Variants in ILDR2 observed in about 807,000 individuals in gnomAD.
ILDR2 encodes immunoglobulin like domain containing receptor 2, also known as immunoglobulin-like domain-containing receptor 2.
In ILDR2, 25 loss-of-function variants were observed where a neutral mutation model predicts 66.8. The observed-to-expected ratio is 0.37, with a 90% CI of 0.27 to 0.52. ILDR2 has a LOEUF of 0.52. ILDR2 is among the 20% of genes least tolerant of loss of function. The pLI is 0.88. For synonymous variants in ILDR2, 367 were observed against 357.2 expected, an observed-to-expected ratio of 1.03 and a Z score of -0.31; for missense variants, 827 against 876.8, an observed-to-expected ratio of 0.94 and a Z score of 0.72.
At chr1:166,953,356 C>G (rs1662099288) in intron 3 of ILDR2, among the ~76,000 whole-genome samples, 1 of 152,222 alleles carries the variant, frequency 6.6e-6, no homozygotes, top group Non-Finnish European at 1.5e-5. Context: ...ACTTCACAAT[C>G]TTGCTCCATC....
chr1:166,967,485 G>A (rs990817169), intron 1 of ILDR2, among the ~76,000 whole-genome samples: 2 of 152,190 alleles, frequency 1.3e-5, no homozygotes, highest in African/African-American at 2.4e-5. Flanking sequence ...GGCTGGATGC[G>A]GTGGCTCACA....
chr1:166,935,439 G>C lies in ILDR2; in HGVS notation c.742C>G (p.Pro248Ala). 2 of 1,611,176 alleles carry C rather than the reference G, an allele frequency of 1.2e-6. No individual in the cohort carries two copies. The highest frequency in any genetic ancestry group is 2.2e-5 in the South Asian group (2 of 90,628). Residue 248 changes from proline to alanine, a missense_variant, in exon 6 of 10, where the codon CCC becomes GCC. By Grantham distance (27) the Pro-to-Ala change is conservative (BLOSUM62 -1). This residue lies in a region of ILDR2 where 437 missense variants were observed against 523.2 expected (regional missense o/e 0.84). Transcript: ENST00000271417. ...AGKAAKAGYP[P>A]SVSGVPGPYS... Reference sequence around the variant, plus strand: ...GGGCCGGGGACACCGGAGACAGAGGGAGGGTACCCGGCCTTTGCTGCTTTC... The same window carrying C: ...GGGCCGGGGACACCGGAGACAGAGGCAGGGTACCCGGCCTTTGCTGCTTTC...
At chr1:166,943,946 C>T (rs1661467028) in intron 3 of ILDR2, 1 of 656,012 alleles carries the variant, frequency 1.5e-6, no homozygotes, top group Non-Finnish European at 1.9e-6. Context: ...TTTATGTAAG[C>T]GCTCAAACAG....
chr1:166,908,155 A>C (rs528778023), downstream of ILDR2: 12 of 152,372 alleles, frequency 7.9e-5, no homozygotes, highest in African/African-American at 2.6e-4. Flanking sequence ...TAGTCACTTC[A>C]GGCTGCTGTA....
chr1:166,971,614 C>T (rs753933725), intron 1 of ILDR2, among the ~76,000 whole-genome samples: 51 of 152,150 alleles, frequency 3.4e-4, no homozygotes, highest in Admixed American at 3.1e-3. Flanking sequence ...TGCAAGCCAT[C>T]GTGCCCGGCT....
In ILDR2 at chr1:166,913,360, C is replaced by G. The variant is rs1019435474; in HGVS notation, c.*5995G>C. 2 of 152,164 alleles carry G rather than the reference C, an allele frequency of 1.3e-5. No individual in the cohort carries two copies. The highest frequency in any genetic ancestry group is 2.1e-4 in the South Asian group (1 of 4,820). 9.4% of individuals were successfully genotyped at this position (152,164 alleles called of 1,614,324 possible). On this transcript the variant is annotated 3_prime_UTR_variant, in exon 10 of 10. Coordinates refer to ENST00000271417, the MANE Select transcript of ILDR2 (RefSeq NM_199351.3). ...CAACTGACAGGTGGCCCTCACGAAGCCAACTTCTCACCCTTCTCTGTCCCA... is the reference window on the plus strand; with the variant it reads ...CAACTGACAGGTGGCCCTCACGAAGGCAACTTCTCACCCTTCTCTGTCCCA...
Position 166,916,173 on chromosome 1 carries a change from C to T in ILDR2, c.*3182G>A, listed in dbSNP as rs1189204660. On this transcript the variant is annotated 3_prime_UTR_variant, in exon 10 of 10. Coordinates refer to ENST00000271417, the MANE Select transcript of ILDR2 (RefSeq NM_199351.3). The stretch of plus-strand genomic sequence containing the variant: ...GCAAGCACAGCAGCTTATGCATCAT[C>T]CCCCTGGGACCCCTGCTGCTCACCC... The T allele has an allele frequency of 6.6e-6, 1 of 152,252 alleles. No homozygotes were observed. 9.4% of individuals were successfully genotyped at this position (152,252 alleles called of 1,614,324 possible).
chr1:166,957,842 T>C lies in ILDR2; in HGVS notation c.306A>G (p.Val102=), dbSNP rs754899952. 6.2e-7 allele frequency: 1 copy of C among 1,614,224 alleles called. No homozygotes were observed. The highest frequency in any genetic ancestry group is 8.5e-7 in the Non-Finnish European group (1 of 1,180,028). Residue 102 remains valine, a synonymous_variant, in exon 2 of 10, where the codon GTA becomes GTG. Coordinates refer to ENST00000271417, the MANE Select transcript of ILDR2 (RefSeq NM_199351.3). ...DCLDSRRTVR[V]VASKQGSTVT... The stretch of plus-strand genomic sequence containing the variant: ...CAGTCGAGCCCTGTTTTGAAGCTAC[T>C]ACTCGAACAGTCCTCCTGCTGTCCA...
At chr1:166,907,052 CA>C (rs1394909996), downstream of ILDR2, 1 of 152,234 alleles carries the variant, frequency 6.6e-6, no homozygotes, top group Non-Finnish European at 1.5e-5. Context: ...TCACCACTTA[CA>C]ATTCTTACAG....
At chr1:166,929,485 A>C (rs1481192629) in intron 6 of ILDR2, among the ~76,000 whole-genome samples, 2 of 152,212 alleles carry the variant, frequency 1.3e-5, no homozygotes, top group Admixed American at 1.3e-4. Flanking sequence ...CTGGATCTCC[A>C]TGTGCCTAAA....
At chr1:166,933,093 T>A (rs1399179640) in intron 6 of ILDR2, among the ~76,000 whole-genome samples, 1 of 152,236 alleles carries the variant, frequency 6.6e-6, no homozygotes, top group Non-Finnish European at 1.5e-5. Context: ...GCGGTGACAC[T>A]GATTGCCACC....
At position 166,927,094 on chromosome 1, in the gene ILDR2, C is replaced by G. The variant is rs147213269; in HGVS notation, c.967G>C (p.Asp323His). The G allele has an allele frequency of 1.2e-6, 2 of 1,612,432 alleles. No homozygotes were observed. The highest frequency in any genetic ancestry group is 1.3e-5 in the African/African-American group (1 of 74,846). The change falls in exon 7 of 10, where the codon GAT becomes CAT. Residue 323 changes from aspartate to histidine, a missense_variant. By Grantham distance (81) the Asp-to-His change is moderately conservative. Around this residue, in one of 2 missense-constraint regions of ILDR2, gnomAD observed 437 missense variants for 523.2 expected, o/e 0.84. Coordinates refer to ENST00000271417, the MANE Select transcript of ILDR2 (RefSeq NM_199351.3). ...CTGCCTCTCATCCTTCTGGCTGGAT[C>G]AAACTGAGCCAGCTCCTTCTCAACA... is the stretch of plus-strand genomic sequence containing the variant. ...YYVEKELAQF[D>H]PARRMRGRYN...
chr1:166,924,709 T>C (rs928540338), intron 7 of ILDR2, among the ~76,000 whole-genome samples: 5 of 152,192 alleles, frequency 3.3e-5, no homozygotes, highest in African/African-American at 1.2e-4. Context: ...CCAATAAACC[T>C]TTATTTATAA....
chr1:166,898,877 T>C (rs748713265), intron 2 of ILDR2, among the ~76,000 whole-genome samples: 41 of 149,620 alleles, frequency 2.7e-4, no homozygotes, highest in Non-Finnish European at 1.9e-4. Flanking sequence ...CTGAGCAACA[T>C]AGGAAGATCC....
chr1:166,908,649 A>T lies in ILDR2; in HGVS notation c.*10706T>A, dbSNP rs542258114. 2 of 152,304 alleles carry T rather than the reference A, an allele frequency of 1.3e-5. No individual in the cohort carries two copies. The highest frequency in any genetic ancestry group is 2.9e-5 in the Non-Finnish European group (2 of 68,082). The allele number at this position is 152,304 out of a possible 1,614,324, so 9.4% of individuals were successfully genotyped here. On this transcript the variant is annotated 3_prime_UTR_variant, in exon 10 of 10. Transcript: ENST00000271417. ...GGTGAATAATTAGGAGACAACAGGA[A>T]GTAGGAGACAAGAAATGAGGGTACC...
Position 166,957,954 on chromosome 1 carries a change from C to T in ILDR2, c.194G>A (p.Arg65His), listed in dbSNP as rs767402571. The change falls in exon 2 of 10, where the codon CGC (arginine) becomes CAC (histidine). Residue 65 changes from arginine to histidine, a missense_variant. Arg to His is a conservative substitution (Grantham distance 29). Coordinates refer to ENST00000271417, the MANE Select transcript of ILDR2 (RefSeq NM_199351.3). The part of the protein sequence containing the change: ...QWKFKSYCQD[R>H]MGESLGMSST... The stretch of plus-strand genomic sequence containing the variant: ...GGACATGCCCAAGGATTCTCCCATG[C>T]GATCCTGGCAGTAGGACTTGAACTT... The T allele has an allele frequency of 1.7e-5, 28 of 1,613,994 alleles. No individual in the cohort carries two copies. The highest frequency in any genetic ancestry group is 1.5e-4 in the South Asian group (14 of 91,080).
In ILDR2 at chr1:166,939,522, A is replaced by G; in HGVS notation, c.548T>C (p.Ile183Thr). 1 of 1,613,720 alleles carries G rather than the reference A, an allele frequency of 6.2e-7. No individual in the cohort carries two copies. The highest frequency in any genetic ancestry group is 8.5e-7 in the Non-Finnish European group (1 of 1,179,582). ...ADLLPSFAVE[I>T]MPEWVFVGLV... Reference sequence around the variant, plus strand: ...GTTAAATGACCGAATACCTGGCATAATCTCCACAGCAAAACTGGGCAAGAG... The same window carrying G: ...GTTAAATGACCGAATACCTGGCATAGTCTCCACAGCAAAACTGGGCAAGAG... Residue 183 changes from isoleucine (I) to threonine (T), a missense_variant, in exon 4 of 10, where the codon ATT becomes ACT. Physicochemically the swap from Ile to Thr is moderately conservative, Grantham distance 89 (BLOSUM62 -1). Coordinates refer to ENST00000271417, the MANE Select transcript of ILDR2 (RefSeq NM_199351.3).
rs1189573023 is a variant in ILDR2, at chr1:166,910,280, A to G, written c.*9075T>C. The G allele has an allele frequency of 6.6e-6, 1 of 152,164 alleles. No individual in the cohort carries two copies. The highest frequency in any genetic ancestry group is 1.5e-5 in the Non-Finnish European group (1 of 68,014). The allele number at this position is 152,164 out of a possible 1,614,324, so 9.4% of individuals were successfully genotyped here. A position where few individuals can be genotyped will look rare whatever the true frequency, so the allele number is the denominator to read the frequency against. ...CCACTTGATCCCAAGCAAAAACCTC[A>G]TGGTTTTCCCCACATTATATCCACA... On this transcript the variant is annotated 3_prime_UTR_variant, in exon 10 of 10. Transcript: ENST00000271417.
At chr1:166,902,650 CAA>C (rs949227062) in intron 2 of ILDR2, among the ~76,000 whole-genome samples, 1 of 152,198 alleles carries the variant, frequency 6.6e-6, no homozygotes, top group Non-Finnish European at 1.5e-5. Flanking sequence ...ACTTGAATGG[CAA>C]AGAGTAGAGT....
Sources: gnomAD v4.1 joint callset for allele counts (sites outside exome capture counted in the v4.1 genomes callset) on GRCh38, gnomAD v4.1.1 for gene constraint, gnomAD v4.1.1 regional missense constraint, MANE v1.5 for transcripts, NCBI Gene and HGNC (gene_info 2026-07-23, HGNC 2026-07-21) for gene names.